MGAT5: variants seen among roughly 807,000 people sequenced by gnomAD.
The protein encoded by MGAT5 is alpha-1,6-mannosylglycoprotein 6-beta-N-acetylglucosaminyltransferase.
Under a neutral mutation model 94.3 loss-of-function variants are expected in MGAT5, and 30 were observed. The ratio of observed to expected loss-of-function variants is 0.32; its 90% CI spans 0.24 to 0.43. The LOEUF is 0.43. Among genes scored for constraint, MGAT5 ranks in the 20% least tolerant of loss-of-function variants. The pLI, the probability that MGAT5 is intolerant of heterozygous loss-of-function variation, is 1.00. For missense variants in MGAT5, 691 were observed against 905.5 expected (o/e 0.76, Z 3.04); for synonymous variants, 310 against 322.9 (o/e 0.96, Z 0.43).
At chr2:134,230,149 G>T (rs907588449) in intron 1 of MGAT5, among the ~76,000 whole-genome samples, 1 of 152,204 alleles carries the variant, frequency 6.6e-6, no homozygotes, top group South Asian at 2.1e-4. Flanking sequence ...GGATGAAACT[G>T]TTCCACCTCA....
At chr2:134,435,255 A>G (rs1349081463) in intron 14 of MGAT5, among the ~76,000 whole-genome samples, 1 of 152,128 alleles carries the variant, frequency 6.6e-6, no homozygotes. Flanking sequence ...CTGACCCATA[A>G]TATACACACT....
chr2:134,131,376 A>G (rs1686155694), intron 1 of MGAT5, among the ~76,000 whole-genome samples: 1 of 152,250 alleles, frequency 6.6e-6, no homozygotes, highest in African/African-American at 2.4e-5. Context: ...TCACACAGCC[A>G]GAACTGGCAG....
intron 12 of MGAT5, among the ~76,000 whole-genome samples, chr2:134,413,666 C>A (rs78869458): frequency 0.019 from 2,866 of 152,274 alleles, 85 homozygotes; most frequent in African/African-American, 0.065. Context: ...CTGGGTGTTT[C>A]TTCATCTGGT....
intron 1 of MGAT5, among the ~76,000 whole-genome samples, chr2:134,221,607 T>C (rs565529025): frequency 1.3e-5 from 2 of 152,344 alleles, no homozygotes; most frequent in East Asian, 3.9e-4. Flanking sequence ...ATGTGGATTT[T>C]TCCCACAAGA....
intron 6 of MGAT5, among the ~76,000 whole-genome samples, chr2:134,341,253 C>T (rs1309335372): frequency 6.8e-6 from 1 of 147,346 alleles, no homozygotes; most frequent in African/African-American, 2.6e-5. Flanking sequence ...AGTATTTTAG[C>T]TGTAGATAAA....
At chr2:134,260,786 G>A (rs920057940) in intron 1 of MGAT5, among the ~76,000 whole-genome samples, 6 of 150,766 alleles carry the variant, frequency 4.0e-5, no homozygotes, top group African/African-American at 1.2e-4. Context: ...CCCTGCCCTT[G>A]AGGGAAATAC....
At chr2:134,120,416 G>T in intron 1 of MGAT5, 1 of 331,138 alleles carries the variant, frequency 3.0e-6, no homozygotes. Flanking sequence ...CCCGCACCGG[G>T]GTCGGCGCGG....
upstream of MGAT5, among the ~76,000 whole-genome samples, chr2:134,251,127 A>G (rs1573614940): frequency 6.6e-6 from 1 of 151,864 alleles, no homozygotes; most frequent in African/African-American, 2.4e-5. Context: ...GTAGCACCTC[A>G]TTGGCTTGCT....
Position 134,207,162 on chromosome 2 carries a change from T to C in MGAT5, c.-142-47100T>C, listed in dbSNP as rs79912067. Among the ~76,000 whole-genome samples, 796 of 152,312 alleles carry C rather than the reference T, an allele frequency of 5.2e-3. 6 individuals carry two copies. Among genetic ancestry groups the C allele is most frequent in the African/African-American group, 0.018 (768 of 41,568 alleles). ...CTTCTTATGTCTTCAAGCCAGTCTT[T>C]GACACTTTTTAGATAGTGATTCTTC... On this transcript the variant is annotated intron_variant, in intron 1 of 16. Transcript: ENST00000409645.
At chr2:134,417,195 G>C (rs933771614) in intron 12 of MGAT5, among the ~76,000 whole-genome samples, 2 of 151,872 alleles carry the variant, frequency 1.3e-5, no homozygotes, top group African/African-American at 4.8e-5. Flanking sequence ...TAATTTTACT[G>C]GTACAGAAAA....
chr2:134,271,400 A>G (rs1030497355), intron 2 of MGAT5, among the ~76,000 whole-genome samples: 4 of 152,196 alleles, frequency 2.6e-5, no homozygotes, highest in South Asian at 2.1e-4. Flanking sequence ...CAAGCTGTCT[A>G]TACTTTTGGT....
At chr2:134,319,694 A>T in intron 4 of MGAT5, 1 of 376,202 alleles carries the variant, frequency 2.7e-6, no homozygotes, top group South Asian at 2.0e-5. Flanking sequence ...TATGCCATCA[A>T]CATACTCATC....
chr2:134,266,390 T>A (rs1359218492), intron 1 of MGAT5, among the ~76,000 whole-genome samples: 2 of 152,028 alleles, frequency 1.3e-5, no homozygotes, highest in Non-Finnish European at 2.9e-5. Flanking sequence ...CCAGCTATTT[T>A]TTGTATTTTT....
chr2:134,212,723 G>C (rs1680266849), intron 1 of MGAT5, among the ~76,000 whole-genome samples: 1 of 152,174 alleles, frequency 6.6e-6, no homozygotes, highest in East Asian at 1.9e-4. Context: ...GTTTTCCATG[G>C]AAAATGGTGG....
At chr2:134,398,847 T>C (rs1377195475) in intron 10 of MGAT5, among the ~76,000 whole-genome samples, 2 of 152,166 alleles carry the variant, frequency 1.3e-5, no homozygotes, top group Admixed American at 1.3e-4. Flanking sequence ...CTCACTCCTA[T>C]GTAGGAGCTA....
intron 2 of MGAT5, among the ~76,000 whole-genome samples, chr2:134,273,333 T>C (rs1684151369): frequency 1.3e-5 from 2 of 152,172 alleles, no homozygotes; most frequent in Admixed American, 1.3e-4. Context: ...CAAGAATGGC[T>C]CCTGAGCTGT....
At chr2:134,221,967 G>C (rs757958644) in intron 1 of MGAT5, among the ~76,000 whole-genome samples, 15 of 152,162 alleles carry the variant, frequency 9.9e-5, no homozygotes, top group Non-Finnish European at 2.2e-4. Flanking sequence ...CATTCCTGGA[G>C]TTGTCTGATC....
chr2:134,355,431 T>A (rs1679673319), intron 9 of MGAT5, among the ~76,000 whole-genome samples: 1 of 152,180 alleles, frequency 6.6e-6, no homozygotes, highest in African/African-American at 2.4e-5. Context: ...TAAGTCATAG[T>A]TATTTGGGGA....
At chr2:134,425,839 C>G (rs1197802026) in intron 13 of MGAT5, among the ~76,000 whole-genome samples, 1 of 151,382 alleles carries the variant, frequency 6.6e-6, no homozygotes, top group African/African-American at 2.4e-5. Context: ...GCAGGAACTT[C>G]ACAGTGCAAT....
Sources: allele counts gnomAD v4.1 joint callset (sites outside exome capture counted in the v4.1 genomes callset), GRCh38; gene constraint gnomAD v4.1.1; transcripts MANE v1.5; gene names NCBI Gene and HGNC (gene_info 2026-07-23, HGNC 2026-07-21).